PKP4: variants seen among roughly 807,000 people sequenced by gnomAD.
PKP4 encodes plakophilin 4.
PKP4 carries 90 observed loss-of-function variants against 145.1 expected under a neutral mutation model. That is an observed-to-expected ratio of 0.62 (90% CI 0.52 to 0.74). The LOEUF (loss-of-function observed/expected upper bound fraction) is 0.74, where lower values mean the gene tolerates loss of function less well. PKP4 is among the 30% of genes least tolerant of loss of function. The pLI, the probability that PKP4 is intolerant of heterozygous loss-of-function variation, is 0.00. For synonymous variants in PKP4, 563 were observed against 577.2 expected (o/e 0.98, Z 0.35); for missense variants, 1,340 against 1,482.7 (o/e 0.90, Z 1.58).
At chr2:158,505,473 C>T (rs1285108406) in intron 1 of PKP4, among the ~76,000 whole-genome samples, 2 of 152,098 alleles carry the variant, frequency 1.3e-5, no homozygotes, top group African/African-American at 2.4e-5. Context: ...TCTCCGAGGC[C>T]CAGGTTTTTC....
chr2:158,497,142 G>T (rs532607214), intron 1 of PKP4, among the ~76,000 whole-genome samples: 92 of 152,300 alleles, frequency 6.0e-4, no homozygotes, highest in African/African-American at 2.1e-3. Flanking sequence ...ATTGGACAGT[G>T]CCTCACCTAG....
intron 13 of PKP4, among the ~76,000 whole-genome samples, chr2:158,661,973 G>A (rs116311640): frequency 2.0e-5 from 3 of 152,084 alleles, no homozygotes; most frequent in Non-Finnish European, 2.9e-5. Flanking sequence ...TCCTGTGCCC[G>A]AGTACAGGGC....
chr2:158,621,274 T>C lies in PKP4; in HGVS notation c.456T>C (p.Tyr152=), dbSNP rs1353321662. The C allele has an allele frequency of 5.6e-6, 9 of 1,614,098 alleles. No individual in the cohort carries two copies. The African/African-American group carries it at 9.3e-5, about 17-fold the overall frequency. The change falls in exon 6 of 22, where the codon TAT becomes TAC. Residue 152 remains tyrosine (Y), a synonymous_variant. Transcript: ENST00000389759. The part of the protein sequence containing the change: ...NSRSSTQMNS[Y]SDSGYQEAGS... ...GAAGTTCAACACAAATGAATTCTTA[T>C]TCCGACAGTGGATACCAGGAAGCAG...
chr2:158,480,076 C>T (rs1208550570), intron 1 of PKP4, among the ~76,000 whole-genome samples: 1 of 152,188 alleles, frequency 6.6e-6, no homozygotes, highest in Non-Finnish European at 1.5e-5. Flanking sequence ...AGATCTGTCC[C>T]ATATCCCTAG....
At position 158,624,239 on chromosome 2, in the gene PKP4, A is replaced by G. The variant is rs536870538; in HGVS notation, c.604-639A>G. Among the ~76,000 whole-genome samples the G allele has an allele frequency of 5.2e-5, 8 of 152,382 alleles. No individual in the cohort carries two copies. The South Asian group carries it at 1.4e-3, about 28-fold the overall frequency. The stretch of plus-strand genomic sequence containing the variant: ...TCTAAAGGAATCAACAAATTTGCCT[A>G]GAGCACCTGTGTAGCCAAGCTGTTC... On this transcript the variant is annotated intron_variant, in intron 6 of 21. Transcript: ENST00000389759.
At chr2:158,651,515 ACCT>A (rs1302731840) in intron 11 of PKP4, among the ~76,000 whole-genome samples, 1 of 150,492 alleles carries the variant, frequency 6.6e-6, no homozygotes, top group African/African-American at 2.4e-5. Context: ...AGCTTCTGTG[ACCT>A]CCTGCCAGCC....
intron 1 of PKP4, among the ~76,000 whole-genome samples, chr2:158,529,297 C>G (rs537745522): frequency 2.4e-4 from 36 of 152,312 alleles, no homozygotes; most frequent in Admixed American, 1.8e-3. Flanking sequence ...CCTAAAAAGC[C>G]TCCTTCAGAG....
chr2:158,601,848 G>C (rs577347958), intron 3 of PKP4, among the ~76,000 whole-genome samples: 55 of 152,136 alleles, frequency 3.6e-4, no homozygotes, highest in Non-Finnish European at 7.2e-4. Context: ...CTTGGGGAAA[G>C]TATCAAGGGG....
At chr2:158,528,198 T>C (rs2105601746) in intron 1 of PKP4, among the ~76,000 whole-genome samples, 1 of 141,842 alleles carries the variant, frequency 7.1e-6, no homozygotes, top group South Asian at 2.3e-4. Flanking sequence ...GTATGTTTAT[T>C]GCGGCATTAT....
intron 2 of PKP4, among the ~76,000 whole-genome samples, chr2:158,574,832 A>G (rs11685671): frequency 0.2 from 30,306 of 152,114 alleles, 3,891 homozygotes; most frequent in Middle Eastern, 0.36. Flanking sequence ...TAGGGATATA[A>G]TGTGGACTTA....
chr2:158,639,547 A>G (rs947145825), intron 9 of PKP4, among the ~76,000 whole-genome samples: 11 of 152,298 alleles, frequency 7.2e-5, no homozygotes, highest in African/African-American at 2.6e-4. Flanking sequence ...TTTAATAAAC[A>G]ACTAACTTTA....
intron 11 of PKP4, among the ~76,000 whole-genome samples, chr2:158,654,021 C>G (rs1008057030): frequency 6.6e-6 from 1 of 152,160 alleles, no homozygotes; most frequent in Non-Finnish European, 1.5e-5. Flanking sequence ...AGCAAAAAAG[C>G]CAAATTAATC....
intron 1 of PKP4, among the ~76,000 whole-genome samples, chr2:158,499,017 C>G (rs1696165834): frequency 6.6e-6 from 1 of 152,088 alleles, no homozygotes; most frequent in Non-Finnish European, 1.5e-5. Flanking sequence ...CTCCTGGATT[C>G]AAAACAGTTG....
At chr2:158,541,845 T>A (rs1322940696) in intron 2 of PKP4, among the ~76,000 whole-genome samples, 1 of 152,148 alleles carries the variant, frequency 6.6e-6, no homozygotes, top group Non-Finnish European at 1.5e-5. Context: ...ATATCTCATT[T>A]AAAAATTTTC....
chr2:158,680,454 A>G lies in PKP4; in HGVS notation c.3356A>G (p.Asp1119Gly), dbSNP rs958335869. The G allele has an allele frequency of 6.2e-7, 1 of 1,612,294 alleles. No homozygotes were observed. Among genetic ancestry groups the G allele is most frequent in the African/African-American group, 1.3e-5 (1 of 74,884 alleles). ...CATCAACAGCTGTATTATAGTCAAGATGACTCCAACAGAAAGAACTTTGAT... is the reference window on the plus strand; with the variant it reads ...CATCAACAGCTGTATTATAGTCAAGGTGACTCCAACAGAAAGAACTTTGAT... ...LQHQQLYYSQ[D>G]DSNRKNFDAY... Residue 1119 changes from aspartate to glycine, a missense_variant, in exon 22 of 22, where the codon GAT becomes GGT. Transcript: ENST00000389759.
rs1313066193 is a variant in PKP4, at chr2:158,680,043, C to T, written c.3331-386C>T. On this transcript the variant is annotated intron_variant, in intron 21 of 21. Transcript: ENST00000389759. ...AATTAGTGATGTGCTAATAATTCCC[C>T]TGTGTCAAACCAAATATCAAGACCA... is the stretch of plus-strand genomic sequence containing the variant. Among the ~76,000 whole-genome samples the T allele has an allele frequency of 3.9e-5, 6 of 152,360 alleles. No individual in the cohort carries two copies. The East Asian group carries it at 1.2e-3, about 29-fold the overall frequency.
At chr2:158,516,853 G>T (rs1475224591) in intron 1 of PKP4, among the ~76,000 whole-genome samples, 1 of 151,550 alleles carries the variant, frequency 6.6e-6, no homozygotes, top group East Asian at 1.9e-4. Flanking sequence ...AATAGAGACG[G>T]GATTTCACTG....
chr2:158,462,597 C>G (rs1404246436), intron 1 of PKP4, among the ~76,000 whole-genome samples: 1 of 152,170 alleles, frequency 6.6e-6, no homozygotes, highest in Non-Finnish European at 1.5e-5. Context: ...TGCTGTCTGC[C>G]TCTACCCTAG....
intron 1 of PKP4, among the ~76,000 whole-genome samples, chr2:158,461,285 G>T (rs1476578800): frequency 6.6e-6 from 1 of 152,172 alleles, no homozygotes; most frequent in Non-Finnish European, 1.5e-5. Context: ...ACTTAGGAAT[G>T]TTGCAGACAT....
Sources: gnomAD v4.1 joint callset for allele counts (sites outside exome capture counted in the v4.1 genomes callset) on GRCh38, gnomAD v4.1.1 for gene constraint, MANE v1.5 for transcripts, NCBI Gene and HGNC (gene_info 2026-07-23, HGNC 2026-07-21) for gene names.